The following BICRAL variants were observed in gnomAD, a reference collection of about 807,000 sequenced individuals.
BICRAL encodes the protein BICRA like chromatin remodeling complex associated protein.
Under a neutral mutation model 91.8 loss-of-function variants are expected in BICRAL, and 8 were observed. The observed-to-expected ratio is 0.09, with a 90% CI of 0.05 to 0.16. The LOEUF (loss-of-function observed/expected upper bound fraction) is 0.16, where lower values mean the gene tolerates loss of function less well. Ranked by LOEUF, BICRAL falls within the 10% of genes least tolerant of loss-of-function variation. The pLI is 1.00. For synonymous variants in BICRAL, 445 were observed against 491.1 expected (o/e 0.91, Z 1.24); for missense variants, 1,038 against 1,310.9 (o/e 0.79, Z 3.21).
chr6:42,860,113 C>T (rs972599083), intron 10 of BICRAL, 149 bp from the exon 11 acceptor site: 49 of 572,458 alleles, frequency 8.6e-5, no homozygotes, highest in Middle Eastern at 4.3e-4. Flanking sequence ...GATGCTTAGC[C>T]GGGGAAAAGC....
At chr6:42,860,830 A>T (rs1314205185) in intron 11 of BICRAL, among the ~76,000 whole-genome samples, 1 of 152,240 alleles carries the variant, frequency 6.6e-6, no homozygotes, top group African/African-American at 2.4e-5. Context: ...ATTTACATTT[A>T]AAGTGTACAA....
At chr6:42,833,249 G>A (rs1365585416) in intron 6 of BICRAL, among the ~76,000 whole-genome samples, 1 of 151,534 alleles carries the variant, frequency 6.6e-6, no homozygotes, top group Non-Finnish European at 1.5e-5. Context: ...TAGAGACGGG[G>A]TTTCACCATG....
rs763524079 is a variant in BICRAL, at chr6:42,862,560, G to C, written c.2400G>C (p.Gln800His). ...EMVMIDRMFNQEERASLSRDK... is the reference protein window; with the variant it reads ...EMVMIDRMFNHEERASLSRDK... ...TGATGATCGATAGGATGTTCAACCA[G>C]GAGGAAAGAGCTTCCCTGTCCCGAG... The change falls in exon 12 of 13, where the codon CAG (glutamine) becomes CAC (histidine). Residue 800 changes from glutamine (Q) to histidine (H), a missense_variant. This residue lies in a region of BICRAL where 294 missense variants were observed against 292.6 expected (regional missense o/e 1.00). Coordinates refer to ENST00000314073, the MANE Select transcript of BICRAL (RefSeq NM_001393499.1). The C allele has an allele frequency of 1.2e-6, 2 of 1,612,840 alleles. No individual in the cohort carries two copies. Among genetic ancestry groups the C allele is most frequent in the Admixed American group, 3.3e-5 (2 of 59,994 alleles).
At chr6:42,801,213 T>C (rs1306785382) in intron 1 of BICRAL, among the ~76,000 whole-genome samples, 1 of 144,234 alleles carries the variant, frequency 6.9e-6, no homozygotes, top group Non-Finnish European at 1.5e-5. Flanking sequence ...ATCAAGCCAC[T>C]GCACTCCAGC....
chr6:42,782,555 C>G (rs1261941726), intron 1 of BICRAL, among the ~76,000 whole-genome samples: 1 of 141,980 alleles, frequency 7.0e-6, no homozygotes, highest in Non-Finnish European at 1.5e-5. Context: ...CGGCGCCTTT[C>G]TTTTTCCTTT....
Position 42,865,172 on chromosome 6 carries a change from A to C in BICRAL, c.2966A>C (p.Asp989Ala). The stretch of plus-strand genomic sequence containing the variant: ...CCAAAGAATGAAGTTTTACACACAG[A>C]CATCATGAAAGGGTCAGGCGAACCC... ...NSPKNEVLHT[D>A]IMKGSGEPQP... Residue 989 changes from aspartate (D) to alanine (A), a missense_variant, in exon 13 of 13, where the codon GAC (aspartate) becomes GCC (alanine). Coordinates refer to ENST00000314073, the MANE Select transcript of BICRAL (RefSeq NM_001393499.1). 1 of 1,614,178 alleles carries C rather than the reference A, an allele frequency of 6.2e-7. No homozygotes were observed. The highest frequency in any genetic ancestry group is 8.5e-7 in the Non-Finnish European group (1 of 1,180,020).
chr6:42,800,635 C>T (rs1447106403), intron 1 of BICRAL, among the ~76,000 whole-genome samples: 3 of 151,808 alleles, frequency 2.0e-5, no homozygotes, highest in African/African-American at 7.3e-5. Context: ...CTGCAACCTC[C>T]GCCTCCTGGG....
At chr6:42,807,277 G>A (rs1022247644) in intron 1 of BICRAL, among the ~76,000 whole-genome samples, 22 of 151,316 alleles carry the variant, frequency 1.5e-4, no homozygotes, top group Non-Finnish European at 1.8e-4. Flanking sequence ...TCCGCCTTCC[G>A]GGTTCATGCC....
intron 1 of BICRAL, among the ~76,000 whole-genome samples, chr6:42,799,371 T>C (rs1763502313): frequency 6.6e-6 from 1 of 150,988 alleles, no homozygotes; most frequent in South Asian, 2.1e-4. Context: ...CGATCTCAGC[T>C]CACTGTAGCC....
intron 1 of BICRAL, among the ~76,000 whole-genome samples, chr6:42,764,449 G>A (rs2113835863): frequency 6.6e-6 from 1 of 151,872 alleles, no homozygotes; most frequent in East Asian, 1.9e-4. Flanking sequence ...CTACTCCAGA[G>A]GCTGAGGTTG....
chr6:42,856,204 C>T lies in BICRAL; in HGVS notation c.2108+287C>T, dbSNP rs1765346254. On this transcript the variant is annotated intron_variant, in intron 9 of 12. Coordinates refer to ENST00000314073, the MANE Select transcript of BICRAL (RefSeq NM_001393499.1). ...TGGTGGTACGGGCCTGTAGTCCCAG[C>T]TACTTGGGAGGCTGAGGTGGGAGGA... is the stretch of plus-strand genomic sequence containing the variant. Among the ~76,000 whole-genome samples, 3 of 151,798 alleles carry T rather than the reference C, an allele frequency of 2.0e-5. No homozygotes were observed. The South Asian group carries it at 6.3e-4, about 32-fold the overall frequency.
At chr6:42,840,856 T>A (rs1239882436) in intron 6 of BICRAL, among the ~76,000 whole-genome samples, 3 of 151,522 alleles carry the variant, frequency 2.0e-5, no homozygotes, top group African/African-American at 7.3e-5. Flanking sequence ...GGTGGATCAC[T>A]TGAGGTCAGG....
intron 1 of BICRAL, among the ~76,000 whole-genome samples, chr6:42,766,029 TTTCTGGTA>T (rs1478007498): frequency 3.9e-5 from 6 of 152,190 alleles, no homozygotes; most frequent in Non-Finnish European, 8.8e-5. Context: ...AATTTTTGTA[TTTCTGGTA>T]GAGACAGGAT....
At chr6:42,758,420 C>A (rs2113828241) in intron 1 of BICRAL, among the ~76,000 whole-genome samples, 1 of 152,304 alleles carries the variant, frequency 6.6e-6, no homozygotes, top group South Asian at 2.1e-4. Flanking sequence ...CCAGCCACAC[C>A]AAGGTCTGCT....
chr6:42,755,953 C>T (rs150286813), intron 1 of BICRAL, among the ~76,000 whole-genome samples: 3 of 152,068 alleles, frequency 2.0e-5, no homozygotes, highest in African/African-American at 4.8e-5. Context: ...GGATTACAGG[C>T]GTGAGCCACC....
intron 2 of BICRAL, among the ~76,000 whole-genome samples, chr6:42,821,657 C>T (rs538073313): frequency 6.6e-6 from 1 of 152,278 alleles, no homozygotes; most frequent in East Asian, 1.9e-4. Context: ...TTTTCTAAAA[C>T]ATAAATATTA....
chr6:42,820,032 A>C (rs1485796710), intron 2 of BICRAL, among the ~76,000 whole-genome samples: 1 of 152,202 alleles, frequency 6.6e-6, no homozygotes, highest in Non-Finnish European at 1.5e-5. Context: ...GCACTACTCA[A>C]GTAGTTTGTC....
intron 6 of BICRAL, among the ~76,000 whole-genome samples, chr6:42,843,722 A>G (rs1764883128): frequency 6.6e-6 from 1 of 152,020 alleles, no homozygotes; most frequent in South Asian, 2.1e-4. Context: ...GCCAAATTAT[A>G]TGATACACGG....
chr6:42,756,211 A>T (rs1242089320), intron 1 of BICRAL, among the ~76,000 whole-genome samples: 1 of 152,114 alleles, frequency 6.6e-6, no homozygotes, highest in Admixed American at 6.6e-5. Context: ...CTGCCATTGT[A>T]TTTGAAACGG....
Sources: allele counts gnomAD v4.1 joint callset (sites outside exome capture counted in the v4.1 genomes callset), GRCh38; gene constraint gnomAD v4.1.1; regional missense constraint gnomAD v4.1.1; transcripts MANE v1.5; gene names NCBI Gene and HGNC (gene_info 2026-07-23, HGNC 2026-07-21).